The following CNTNAP4 variants were observed in gnomAD, a reference collection of about 807,000 sequenced individuals.
CNTNAP4 encodes contactin-associated protein-like 4.
CNTNAP4 carries 98 observed loss-of-function variants against 148.4 expected under a neutral mutation model. That is an observed-to-expected ratio of 0.66 (90% CI 0.56 to 0.78). The LOEUF (loss-of-function observed/expected upper bound fraction) is 0.78. Ranked by LOEUF, CNTNAP4 falls within the 30% of genes least tolerant of loss-of-function variation. CNTNAP4 has a pLI of 0.00. For missense variants in CNTNAP4, 1,935 were observed against 1,565.6 expected, an observed-to-expected ratio of 1.24 and a Z score of -3.98; for synonymous variants, 730 against 565.1, an observed-to-expected ratio of 1.29 and a Z score of -4.14.
At chr16:76,293,971 G>T (rs1452077615) in intron 1 of CNTNAP4, among the ~76,000 whole-genome samples, 1 of 152,096 alleles carries the variant, frequency 6.6e-6, no homozygotes, top group Non-Finnish European at 1.5e-5. Context: ...CTCAGAGCAA[G>T]AGAGGCAAAC....
intron 3 of CNTNAP4, among the ~76,000 whole-genome samples, chr16:76,384,058 T>A (rs1567947719): frequency 2.0e-5 from 3 of 152,088 alleles, no homozygotes; most frequent in Admixed American, 1.3e-4. Context: ...TTATTTATTT[T>A]TTTGAGATGG....
chr16:76,351,988 A>G (rs2011848533), intron 2 of CNTNAP4, among the ~76,000 whole-genome samples: 1 of 152,178 alleles, frequency 6.6e-6, no homozygotes, highest in Non-Finnish European at 1.5e-5. Context: ...GCTTTAGACC[A>G]TTACAATTAA....
chr16:76,299,179 A>T (rs913268804), intron 1 of CNTNAP4, among the ~76,000 whole-genome samples: 4 of 152,208 alleles, frequency 2.6e-5, no homozygotes, highest in African/African-American at 9.6e-5. Flanking sequence ...GCTTCTGCAC[A>T]GCAAAAGAAA....
In CNTNAP4 at chr16:76,294,463, A is replaced by G. The variant is rs142139486; in HGVS notation, c.85+16716A>G. ...TCCCCAAGAATTACACTGGCTGAAT[A>G]TGTTTCATGCTAAATGTACTCTGTA... On this transcript the variant is annotated intron_variant, in intron 1 of 23. Coordinates refer to ENST00000611870, the MANE Select transcript of CNTNAP4 (RefSeq NM_033401.5). Among the ~76,000 whole-genome samples the G allele has an allele frequency of 8.5e-5, 13 of 152,306 alleles. No homozygotes were observed. The East Asian group carries it at 1.9e-3, about 23-fold the overall frequency.
At position 76,369,049 on chromosome 16, in the gene CNTNAP4, T is replaced by TAA. The variant is rs369958068; in HGVS notation, c.390+13547_390+13548dup. 1.4e-4 allele frequency among the ~76,000 whole-genome samples: 20 copies of TAA among 144,448 alleles called. 1 individual carries two copies. Among genetic ancestry groups the TAA allele is most frequent in the South Asian group, 4.4e-4 (2 of 4,592 alleles). The allele number at this position is 144,448 out of a possible 152,430, so 94.8% of individuals were successfully genotyped here. ...TTTTTTTGTTTTTTCGTTTTTTGGT[T>TAA]AAAAAAAAAAGAGCCATTATATAAA... On this transcript the variant is annotated intron_variant, in intron 3 of 23. Transcript: ENST00000611870.
At chr16:76,368,048 A>G (rs957465514) in intron 3 of CNTNAP4, among the ~76,000 whole-genome samples, 5 of 152,174 alleles carry the variant, frequency 3.3e-5, no homozygotes, top group African/African-American at 1.2e-4. Context: ...AGTGATTTCA[A>G]TTAGCTGCAA....
intron 10 of CNTNAP4, among the ~76,000 whole-genome samples, chr16:76,470,299 G>A (rs549123404): frequency 3.3e-5 from 5 of 151,688 alleles, no homozygotes; most frequent in South Asian, 4.2e-4. Context: ...TAATCCATGC[G>A]TAATAAATGT....
At chr16:76,443,039 A>T (rs1243038489) in intron 4 of CNTNAP4, among the ~76,000 whole-genome samples, 3 of 152,148 alleles carry the variant, frequency 2.0e-5, no homozygotes, top group African/African-American at 4.8e-5. Flanking sequence ...AGAGAACTAG[A>T]GTTCATACCC....
chr16:76,278,715 C>A (rs1958576579), intron 1 of CNTNAP4, among the ~76,000 whole-genome samples: 1 of 152,154 alleles, frequency 6.6e-6, no homozygotes, highest in South Asian at 2.1e-4. Context: ...GGCTATGAGG[C>A]CTGTCCAGGA....
chr16:76,281,783 A>G (rs1302923320), intron 1 of CNTNAP4, among the ~76,000 whole-genome samples: 4 of 152,000 alleles, frequency 2.6e-5, no homozygotes, highest in Admixed American at 2.6e-4. Flanking sequence ...ATGGGCTAAG[A>G]ATAGTTCTTC....
chr16:76,500,246 G>A (rs896412701), intron 15 of CNTNAP4, among the ~76,000 whole-genome samples: 17 of 152,044 alleles, frequency 1.1e-4, no homozygotes, highest in Admixed American at 3.9e-4. Flanking sequence ...CCCACCTTCC[G>A]GACGGGGCGG....
intron 3 of CNTNAP4, among the ~76,000 whole-genome samples, chr16:76,409,860 C>G (rs1349937200): frequency 6.6e-6 from 1 of 151,906 alleles, no homozygotes; most frequent in Non-Finnish European, 1.5e-5. Flanking sequence ...GTCTGTAACA[C>G]TGTGCCATCT....
At position 76,306,739 on chromosome 16, in the gene CNTNAP4, A is replaced by T. The variant is rs559776362; in HGVS notation, c.86-9674A>T. ...CATATGAAAAATCCTTGATGAGAAC[A>T]CACTTTTCTTTGCTTAATGGTATTG... is the stretch of plus-strand genomic sequence containing the variant. On this transcript the variant is annotated intron_variant, in intron 1 of 23. Transcript: ENST00000611870. Among the ~76,000 whole-genome samples, 3 of 152,290 alleles carry T rather than the reference A, an allele frequency of 2.0e-5. No individual in the cohort carries two copies. The South Asian group carries it at 6.2e-4, about 32-fold the overall frequency.
intron 8 of CNTNAP4, among the ~76,000 whole-genome samples, chr16:76,456,150 T>G (rs1432314998): frequency 6.6e-6 from 1 of 152,196 alleles, no homozygotes; most frequent in African/African-American, 2.4e-5. Flanking sequence ...AGACTGCAAT[T>G]AACATATCTG....
chr16:76,299,153 C>G (rs1157848941), intron 1 of CNTNAP4, among the ~76,000 whole-genome samples: 2 of 152,228 alleles, frequency 1.3e-5, no homozygotes, highest in East Asian at 1.9e-4. Flanking sequence ...CAAATGGGAT[C>G]TAATTAAACT....
intron 4 of CNTNAP4, among the ~76,000 whole-genome samples, chr16:76,436,961 A>ATATCTATCTATCTATCTATT (rs2079851176): frequency 1.4e-5 from 2 of 140,178 alleles, no homozygotes. Flanking sequence ...CTAATACAGA[A>ATATCTATCTATCTATCTATT]TATCTATCTA....
chr16:76,456,645 C>G (rs2080741635), intron 8 of CNTNAP4, among the ~76,000 whole-genome samples: 2 of 152,194 alleles, frequency 1.3e-5, no homozygotes, highest in Admixed American at 1.3e-4. Flanking sequence ...AAGCCCAGCC[C>G]TCAGTGCCAG....
At chr16:76,462,521 T>C (rs1156240262) in intron 9 of CNTNAP4, among the ~76,000 whole-genome samples, 1 of 152,228 alleles carries the variant, frequency 6.6e-6, no homozygotes, top group Middle Eastern at 3.2e-3. Flanking sequence ...GACAATATTA[T>C]GCCAAAGGAC....
intron 3 of CNTNAP4, among the ~76,000 whole-genome samples, chr16:76,357,649 C>T (rs1384611968): frequency 6.6e-6 from 1 of 152,290 alleles, no homozygotes; most frequent in Middle Eastern, 3.4e-3. Context: ...GTAAGAGCAC[C>T]TGGCATGTCA....
Sources: gnomAD v4.1 joint callset for allele counts (sites outside exome capture counted in the v4.1 genomes callset) on GRCh38, gnomAD v4.1.1 for gene constraint, MANE v1.5 for transcripts, NCBI Gene and HGNC (gene_info 2026-07-23, HGNC 2026-07-21) for gene names.